Variants in NAV3 observed in about 807,000 individuals in gnomAD.
NAV3 encodes pore membrane and/or filament interacting like protein 1.
NAV3 carries 87 observed loss-of-function variants against 244.7 expected under a neutral mutation model. That is an observed-to-expected ratio of 0.36 (90% CI 0.30 to 0.42). The LOEUF (loss-of-function observed/expected upper bound fraction) is 0.42. Ranked by LOEUF, NAV3 falls within the 20% of genes least tolerant of loss-of-function variation. The probability of loss-of-function intolerance (pLI) is 1.00; values close to 1 mark genes in which losing one functional copy is unlikely to be tolerated. For missense variants in NAV3, 2,663 were observed against 2,893.3 expected, an observed-to-expected ratio of 0.92 and a Z score of 1.83; for synonymous variants, 1,126 against 1,042.2, an observed-to-expected ratio of 1.08 and a Z score of -1.55.
chr12:78,161,776 A>G (rs536589526), intron 23 of NAV3, among the ~76,000 whole-genome samples: 1 of 152,266 alleles, frequency 6.6e-6, no homozygotes, highest in African/African-American at 2.4e-5. Flanking sequence ...CTAGTTTATT[A>G]ATTTGAGATT....
At chr12:77,851,044 T>C (rs1877440300) in intron 1 of NAV3, among the ~76,000 whole-genome samples, 1 of 152,190 alleles carries the variant, frequency 6.6e-6, no homozygotes, top group Non-Finnish European at 1.5e-5. Context: ...TCTCAAGCCA[T>C]ATCTACCTAA....
intron 12 of NAV3, among the ~76,000 whole-genome samples, chr12:78,112,626 C>T (rs1955157034): frequency 6.6e-6 from 1 of 152,112 alleles, no homozygotes; most frequent in Non-Finnish European, 1.5e-5. Flanking sequence ...GTAACTGCCC[C>T]CATGACTCAA....
chr12:77,645,534 TCTAAAAAAAAAA>T lies in NAV3; in HGVS notation c.72+73269_72+73280del, dbSNP rs961701097. On this transcript the variant is annotated intron_variant, in intron 2 of 8. Transcript: ENST00000550042. ...GGGAATTCATGGAGAGCTCTCTCTC[TCTAAAAAAAAAA>T]AAAAAAAAAAAAAACTTTCAAATCT... Among the ~76,000 whole-genome samples, 76 of 89,320 alleles carry T rather than the reference TCTAAAAAAAAAA, an allele frequency of 8.5e-4. 2 individuals carry two copies. The highest frequency in any genetic ancestry group is 4.4e-3 in the African/African-American group (69 of 15,670). The allele number at this position is 89,320 out of a possible 152,430, so 58.6% of individuals were successfully genotyped here. A position where few individuals can be genotyped will look rare whatever the true frequency, so the allele number is the denominator to read the frequency against.
chr12:78,033,940 C>T (rs892933561), intron 9 of NAV3, among the ~76,000 whole-genome samples: 6 of 152,218 alleles, frequency 3.9e-5, no homozygotes, highest in African/African-American at 1.4e-4. Context: ...ATAAAATCAA[C>T]ATGTCCCAGA....
At chr12:77,780,001 G>T (rs150920922) in intron 2 of NAV3, among the ~76,000 whole-genome samples, 24 of 152,164 alleles carry the variant, frequency 1.6e-4, no homozygotes, top group African/African-American at 5.8e-4. Context: ...TAGTTTCTTT[G>T]GAATGCAGTG....
At chr12:77,941,384 A>G (rs1222980326) in intron 3 of NAV3, among the ~76,000 whole-genome samples, 2 of 152,164 alleles carry the variant, frequency 1.3e-5, no homozygotes, top group Non-Finnish European at 2.9e-5. Flanking sequence ...GCTGTTCTGT[A>G]TAATTTAACA....
intron 1 of NAV3, among the ~76,000 whole-genome samples, chr12:77,923,958 T>C (rs889520298): frequency 2.0e-5 from 3 of 152,188 alleles, no homozygotes; most frequent in African/African-American, 7.2e-5. Context: ...TAGCTCTCTA[T>C]AGGAGTTGTA....
intron 12 of NAV3, among the ~76,000 whole-genome samples, chr12:78,109,827 A>C (rs1046651408): frequency 1.3e-5 from 2 of 152,092 alleles, no homozygotes; most frequent in Non-Finnish European, 2.9e-5. Context: ...TGACAAACTC[A>C]GAGCTAATAT....
intron 2 of NAV3, among the ~76,000 whole-genome samples, chr12:77,750,311 C>T (rs1025257225): frequency 2.6e-5 from 4 of 152,064 alleles, no homozygotes; most frequent in Non-Finnish European, 5.9e-5. Context: ...TGAGATCACG[C>T]CACTGCACTC....
At chr12:77,895,955 T>TAAA (rs755975061) in intron 1 of NAV3, among the ~76,000 whole-genome samples, 10 of 104,580 alleles carry the variant, frequency 9.6e-5, no homozygotes, top group Non-Finnish European at 1.5e-4. Flanking sequence ...CAATTTCCAG[T>TAAA]AAAAAAAAAA....
intron 2 of NAV3, among the ~76,000 whole-genome samples, chr12:77,820,261 T>C (rs1179410967): frequency 6.6e-6 from 1 of 152,180 alleles, no homozygotes; most frequent in Non-Finnish European, 1.5e-5. Flanking sequence ...AGTCCATTAG[T>C]GCTGTTATAA....
chr12:77,636,588 C>T (rs1208237043), intron 2 of NAV3, among the ~76,000 whole-genome samples: 9 of 151,784 alleles, frequency 5.9e-5, no homozygotes, highest in East Asian at 1.9e-4. Context: ...GACAGTGGGG[C>T]GATTCCTCAA....
chr12:78,206,580 C>G (rs1467137832), intron 39 of NAV3, among the ~76,000 whole-genome samples: 5 of 152,078 alleles, frequency 3.3e-5, no homozygotes. Context: ...TAGTCCAGCT[C>G]AGCTCACCCC....
chr12:77,587,149 AATT>A (rs1416576883), intron 2 of NAV3, among the ~76,000 whole-genome samples: 1 of 152,142 alleles, frequency 6.6e-6, no homozygotes, highest in African/African-American at 2.4e-5. Flanking sequence ...TATTATCATA[AATT>A]ATTATCTATA....
chr12:77,658,897 G>T (rs1254754179), intron 2 of NAV3, among the ~76,000 whole-genome samples: 1 of 152,190 alleles, frequency 6.6e-6, no homozygotes, highest in Non-Finnish European at 1.5e-5. Flanking sequence ...GGGAAAACTG[G>T]CTATCCATAT....
At chr12:77,588,278 T>G (rs1440962625) in intron 2 of NAV3, among the ~76,000 whole-genome samples, 1 of 146,830 alleles carries the variant, frequency 6.8e-6, no homozygotes, top group Non-Finnish European at 1.5e-5. Flanking sequence ...CATATCCAGC[T>G]GATTTTTTTA....
At chr12:78,166,234 G>T (rs1372710603) in intron 23 of NAV3, among the ~76,000 whole-genome samples, 1 of 151,926 alleles carries the variant, frequency 6.6e-6, no homozygotes, top group East Asian at 1.9e-4. Context: ...CAGTGAGGAA[G>T]GATGTTTAAA....
At chr12:77,826,402 G>A (rs957625953), upstream of NAV3, among the ~76,000 whole-genome samples, 2 of 152,026 alleles carry the variant, frequency 1.3e-5, no homozygotes, top group Admixed American at 6.5e-5. Flanking sequence ...TGAGGCACGA[G>A]AATTGCTAGA....
Position 77,850,153 on chromosome 12 carries a change from A to G in NAV3, c.243+18449A>G, listed in dbSNP as rs77849123. On this transcript the variant is annotated intron_variant, in intron 1 of 39. Transcript: ENST00000397909. ...GGAAAGCCAGCCATAGCCTTGTGCT[A>G]GAAAATCAGTAAGGAGGTGGAACAT... Among the ~76,000 whole-genome samples, 1,020 of 152,356 alleles carry G rather than the reference A, an allele frequency of 6.7e-3. 11 individuals are homozygous for G. The highest frequency in any genetic ancestry group is 0.023 in the African/African-American group (976 of 41,584).
Sources: gnomAD v4.1 joint callset for allele counts (sites outside exome capture counted in the v4.1 genomes callset) on GRCh38, gnomAD v4.1.1 for gene constraint, MANE v1.5 for transcripts, NCBI Gene and HGNC (gene_info 2026-07-23, HGNC 2026-07-21) for gene names.